TFB1M: variants seen among roughly 807,000 people sequenced by gnomAD.
TFB1M encodes transcription factor B1, mitochondrial, also known as dimethyladenosine transferase 1, mitochondrial.
In TFB1M, 27 loss-of-function variants were observed where a neutral mutation model predicts 31.1. The observed-to-expected ratio is 0.87, with a 90% CI of 0.64 to 1.20. TFB1M has a LOEUF of 1.20. Ranked by LOEUF, TFB1M falls within the 50% of genes most tolerant of loss-of-function variation. TFB1M has a pLI of 0.00. For synonymous variants in TFB1M, 166 were observed against 151.8 expected, an observed-to-expected ratio of 1.09 and a Z score of -0.69; for missense variants, 394 against 418.7, an observed-to-expected ratio of 0.94 and a Z score of 0.51.
intron 4 of TFB1M, among the ~76,000 whole-genome samples, chr6:155,295,305 G>T (rs1179732863): frequency 6.6e-6 from 1 of 151,988 alleles, no homozygotes; most frequent in African/African-American, 2.4e-5. Context: ...GACGGAGCTT[G>T]CAGTGAGCCA....
chr6:155,314,467 G>C lies in TFB1M; in HGVS notation c.-39C>G. On this transcript the variant is annotated 5_prime_UTR_variant, in exon 1 of 7. Coordinates refer to ENST00000367166, the MANE Select transcript of TFB1M (RefSeq NM_016020.4). ...CACCATCCAACCCTACCTCACCCAGGACCTTCACCGCCGCTCCGAAAGAAA... is the reference window on the plus strand; with the variant it reads ...CACCATCCAACCCTACCTCACCCAGCACCTTCACCGCCGCTCCGAAAGAAA... 1.2e-6 allele frequency: 2 copies of C among 1,611,944 alleles called. No homozygotes were observed. Among genetic ancestry groups the C allele is most frequent in the South Asian group, 2.2e-5 (2 of 91,034 alleles).
chr6:155,301,232 C>G (rs1777418003), intron 2 of TFB1M, among the ~76,000 whole-genome samples: 1 of 152,200 alleles, frequency 6.6e-6, no homozygotes. Context: ...GTAGCTTGAT[C>G]TACTTTGCAA....
chr6:155,289,824 G>T (rs1776824867), intron 4 of TFB1M, among the ~76,000 whole-genome samples: 8 of 152,116 alleles, frequency 5.3e-5, no homozygotes, highest in Admixed American at 5.2e-4. Flanking sequence ...ATTGGATCAA[G>T]GGGGCAGATT....
the TFB1M span, chr6:155,244,831 A>G: frequency 1.3e-6 from 2 of 1,557,726 alleles, no homozygotes; most frequent in Non-Finnish European, 1.7e-6. Flanking sequence ...TGGCTATGGT[A>G]CGTATTTCTC....
At position 155,256,846 on chromosome 6, in the gene TFB1M, C is replaced by T; in HGVS notation, c.*990G>A. 6.2e-7 allele frequency: 1 copy of T among 1,614,174 alleles called. No individual in the cohort carries two copies. Among genetic ancestry groups the T allele is most frequent in the Non-Finnish European group, 8.5e-7 (1 of 1,180,028 alleles). ...CGTTCACCCCGAGGCTGAGCAGCAG[C>T]CTGGCCCGGAGTCGGGTGAGGGTCA... On this transcript the variant is annotated 3_prime_UTR_variant, in exon 7 of 7. Transcript: ENST00000367166.
chr6:155,237,114 A>G, the TFB1M span, among the ~76,000 whole-genome samples: 76 of 152,352 alleles, frequency 5.0e-4, no homozygotes, highest in Non-Finnish European at 8.1e-4. Context: ...TCTAGATACA[A>G]TGGGGGTACA....
At chr6:155,250,518 T>C in the TFB1M span, 1 of 1,534,112 alleles carries the variant, frequency 6.5e-7, no homozygotes, top group Admixed American at 2.0e-5. Context: ...CCAGTTTCAA[T>C]GCTGGTGCTC....
At chr6:155,253,106 T>C (rs1783771721), downstream of TFB1M, 8 of 1,443,618 alleles carry the variant, frequency 5.5e-6, no homozygotes, top group South Asian at 1.2e-5. Context: ...TAGACTTAAC[T>C]GTGGAATGTA....
intron 5 of TFB1M, chr6:155,276,224 A>G: frequency 6.2e-7 from 1 of 1,614,160 alleles, no homozygotes; most frequent in East Asian, 2.2e-5. Flanking sequence ...TATCGGATTC[A>G]TTTCTGCAAT....
intron 5 of TFB1M, among the ~76,000 whole-genome samples, chr6:155,266,277 A>C (rs1784629609): frequency 6.6e-6 from 1 of 152,194 alleles, no homozygotes; most frequent in African/African-American, 2.4e-5. Flanking sequence ...CCATCCCAGA[A>C]AATTAAATAA....
chr6:155,293,215 G>A (rs1777014439), intron 4 of TFB1M, among the ~76,000 whole-genome samples: 2 of 152,180 alleles, frequency 1.3e-5, no homozygotes, highest in Admixed American at 1.3e-4. Flanking sequence ...AATGAGGACA[G>A]AAAGAGAAGA....
chr6:155,242,549 GA>G, the TFB1M span, among the ~76,000 whole-genome samples: 20 of 152,342 alleles, frequency 1.3e-4, no homozygotes, highest in Middle Eastern at 6.8e-3. Context: ...ACTAAGGCCA[GA>G]AAGTTCTGGG....
In TFB1M at chr6:155,257,104, A is replaced by C. The variant is rs1205592092; in HGVS notation, c.*732T>G. 3.1e-6 allele frequency: 5 copies of C among 1,613,232 alleles called. No homozygotes were observed. The African/African-American group carries it at 5.4e-5, about 17-fold the overall frequency. Reference sequence around the variant, plus strand: ...TGAGGAGTGTTTTTATGAAACAGAGAGCCACGGAAAATCATAGTATGATTC... The same window carrying C: ...TGAGGAGTGTTTTTATGAAACAGAGCGCCACGGAAAATCATAGTATGATTC... On this transcript the variant is annotated 3_prime_UTR_variant, in exon 7 of 7. Transcript: ENST00000367166.
At chr6:155,288,943 G>C (rs911569161) in intron 4 of TFB1M, among the ~76,000 whole-genome samples, 3 of 152,020 alleles carry the variant, frequency 2.0e-5, no homozygotes, top group Non-Finnish European at 4.4e-5. Context: ...AGCAACAAAA[G>C]GTCAGGAAAC....
chr6:155,282,537 A>G (rs12216139), intron 5 of TFB1M, among the ~76,000 whole-genome samples: 18,978 of 152,122 alleles, frequency 0.12, 1,520 homozygotes, highest in Non-Finnish European at 0.19. Context: ...TCTGAGCATT[A>G]ATCTCCCTCT....
At chr6:155,233,727 G>T in the TFB1M span, among the ~76,000 whole-genome samples, 2 of 152,280 alleles carry the variant, frequency 1.3e-5, no homozygotes, top group South Asian at 4.1e-4. Context: ...CCAGCAGTTT[G>T]GTGGGAGGAT....
downstream of TFB1M, chr6:155,252,008 G>A (rs1279309396): frequency 6.2e-7 from 1 of 1,601,054 alleles, no homozygotes; most frequent in Admixed American, 1.8e-5. Context: ...AAATTGGTAA[G>A]GCAAAAATTC....
At chr6:155,309,572 A>AT (rs1376453241) in intron 2 of TFB1M, among the ~76,000 whole-genome samples, 5 of 152,186 alleles carry the variant, frequency 3.3e-5, no homozygotes, top group Non-Finnish European at 5.9e-5. Flanking sequence ...AAAGAGGGGA[A>AT]TATGTGGGAA....
intron 4 of TFB1M, among the ~76,000 whole-genome samples, chr6:155,285,715 A>C (rs1776597555): frequency 6.6e-6 from 1 of 152,220 alleles, no homozygotes; most frequent in Non-Finnish European, 1.5e-5. Context: ...TGCTTTTCAA[A>C]TTCACTTAAT....
Sources: gnomAD v4.1 joint callset for allele counts (sites outside exome capture counted in the v4.1 genomes callset) on GRCh38, gnomAD v4.1.1 for gene constraint, MANE v1.5 for transcripts, NCBI Gene and HGNC (gene_info 2026-07-23, HGNC 2026-07-21) for gene names.